NEK4: variants seen among roughly 807,000 people sequenced by gnomAD.
The protein encoded by NEK4 is NIMA related kinase 4, also known as serine/threonine-protein kinase Nek4.
Under a neutral mutation model 98.4 loss-of-function variants are expected in NEK4, and 86 were observed. The observed-to-expected ratio is 0.87, with a 90% CI of 0.73 to 1.05. NEK4 has a LOEUF of 1.05. NEK4 is among the 50% of genes least tolerant of loss of function. The probability of loss-of-function intolerance (pLI) is 0.00; values close to 1 mark genes in which losing one functional copy is unlikely to be tolerated. For missense variants in NEK4, 898 were observed against 950.3 expected (o/e 0.94, Z 0.72); for synonymous variants, 328 against 342.2 (o/e 0.96, Z 0.46).
intron 15 of NEK4, among the ~76,000 whole-genome samples, chr3:52,717,012 A>G (rs750690900): frequency 2.0e-4 from 31 of 152,144 alleles, no homozygotes; most frequent in African/African-American, 3.4e-4. Flanking sequence ...TGTTGAGGCT[A>G]TATTTCAGGA....
chr3:52,769,864 G>A (rs1406772494), intron 1 of NEK4, among the ~76,000 whole-genome samples: 1 of 152,208 alleles, frequency 6.6e-6, no homozygotes, highest in Non-Finnish European at 1.5e-5. Flanking sequence ...TTTAAACAGA[G>A]GAGTGACAAC....
intron 15 of NEK4, among the ~76,000 whole-genome samples, chr3:52,735,268 A>G (rs2097374354): frequency 6.6e-6 from 1 of 152,260 alleles, no homozygotes; most frequent in African/African-American, 2.4e-5. Flanking sequence ...AGAGATGTCT[A>G]AACTTTTAAA....
rs764856144 is a variant in NEK4, at chr3:52,761,272, T to C, written c.822-336A>G. On this transcript the variant is annotated intron_variant, in intron 5 of 15. Coordinates refer to ENST00000233027, the MANE Select transcript of NEK4 (RefSeq NM_003157.6). The stretch of plus-strand genomic sequence containing the variant: ...GTCTGGAATTTAGTCAATAGTAATA[T>C]TTTTCTTTCTTTTTTTAAAAAATTG... 3.3e-5 allele frequency among the ~76,000 whole-genome samples: 5 copies of C among 152,008 alleles called. No homozygotes were observed. In the East Asian group the frequency reaches 9.6e-4, roughly 29 times the overall value.
chr3:52,748,822 C>T (rs1428715583), intron 8 of NEK4, among the ~76,000 whole-genome samples: 1 of 152,170 alleles, frequency 6.6e-6, no homozygotes, highest in Non-Finnish European at 1.5e-5. Context: ...GTGGCTCACA[C>T]CCGTAATCAC....
chr3:52,746,265 T>TC (rs1223138493), intron 9 of NEK4, 55 bp from the exon 10 acceptor site: 23 of 1,518,592 alleles, frequency 1.5e-5, no homozygotes, highest in Non-Finnish European at 2.7e-6. Flanking sequence ...CTTCCAATGT[T>TC]CCCCTATCAG....
intron 12 of NEK4, among the ~76,000 whole-genome samples, chr3:52,742,715 G>A (rs927444429): frequency 1.3e-5 from 2 of 152,230 alleles, no homozygotes; most frequent in African/African-American, 4.8e-5. Flanking sequence ...AGATGGGTAT[G>A]TTGGTATCAC....
chr3:52,730,769 A>ACATG (rs2097368849), intron 15 of NEK4, among the ~76,000 whole-genome samples: 1 of 152,122 alleles, frequency 6.6e-6, no homozygotes. Context: ...CTGAGCATGG[A>ACATG]GCTTTCTTTG....
In NEK4 at chr3:52,711,918, T is replaced by C. The variant is rs564085920; in HGVS notation, c.2434-49A>G. The C allele has an allele frequency of 1.1e-5, 12 of 1,050,560 alleles. No individual in the cohort carries two copies. In the African/African-American group the frequency reaches 1.8e-4, roughly 15 times the overall value. The allele number at this position is 1,050,560 out of a possible 1,614,324, so 65.1% of individuals were successfully genotyped here. On this transcript the variant is annotated intron_variant, in intron 15 of 15. Transcript: ENST00000233027. The stretch of plus-strand genomic sequence containing the variant: ...TCAATCAGTATGTAGTAGGAAAAAA[T>C]ATTTCTGTAATCTTAGAGGAAGGGC...
chr3:52,743,234 A>C (rs2097389720), intron 12 of NEK4, 118 bp downstream of exon 12: 1 of 714,144 alleles, frequency 1.4e-6, no homozygotes, highest in Non-Finnish European at 2.4e-6. Context: ...AAGAGTGAAA[A>C]GATATAACAA....
At chr3:52,712,703 G>A (rs1179011912) in intron 15 of NEK4, among the ~76,000 whole-genome samples, 1 of 152,180 alleles carries the variant, frequency 6.6e-6, no homozygotes, top group South Asian at 2.1e-4. Context: ...GGTGGACCGG[G>A]TTCTCCCCCA....
chr3:52,731,982 C>A (rs566845751), intron 15 of NEK4, among the ~76,000 whole-genome samples: 25 of 152,340 alleles, frequency 1.6e-4, no homozygotes, highest in Admixed American at 7.2e-4. Context: ...CACTCTCTTG[C>A]CTGCTGCCAC....
intron 15 of NEK4, among the ~76,000 whole-genome samples, chr3:52,724,232 AAC>A (rs10528307): frequency 0.018 from 2,681 of 145,132 alleles, 82 homozygotes; most frequent in African/African-American, 0.064. Flanking sequence ...TTTGTCTTAA[AAC>A]ACACACACAC....
chr3:52,746,650 TGCCTTTTTG>T, intron 9 of NEK4, 75 bp downstream of exon 9: 1 of 1,219,406 alleles, frequency 8.2e-7, no homozygotes, highest in East Asian at 2.4e-5. Flanking sequence ...ATTTCTTACA[TGCCTTTTTG>T]GCAATTGTTA....
rs1328084351 is a variant in NEK4, at chr3:52,715,240, G to C, written c.2434-3371C>G. Among the ~76,000 whole-genome samples, 4 of 152,262 alleles carry C rather than the reference G, an allele frequency of 2.6e-5. No individual in the cohort carries two copies. The East Asian group carries it at 7.7e-4, about 29-fold the overall frequency. On this transcript the variant is annotated intron_variant, in intron 15 of 15. Transcript: ENST00000233027. ...CCCCTAAAAGCCCTGGGCTCAGCCAGAGCAGAACAGACAATGGGACGGCCA... is the reference window on the plus strand; with the variant it reads ...CCCCTAAAAGCCCTGGGCTCAGCCACAGCAGAACAGACAATGGGACGGCCA...
rs939345585 is a variant in NEK4 at position 52,752,349 on chromosome 3, A to T, written c.964-13T>A. ...ATTTGCCTTCACCCTGAATGAAAAG[A>T]TGTTTGGAAATTATTATAGCACTCC... On this transcript the variant is annotated splice_polypyrimidine_tract_variant and intron_variant, in intron 6 of 15. Coordinates refer to ENST00000233027, the MANE Select transcript of NEK4 (RefSeq NM_003157.6). 5 of 1,602,582 alleles carry T rather than the reference A, an allele frequency of 3.1e-6. No individual in the cohort carries two copies. The highest frequency in any genetic ancestry group is 1.1e-5 in the South Asian group (1 of 89,630).
At chr3:52,738,985 A>G (rs1461169479) in intron 14 of NEK4, among the ~76,000 whole-genome samples, 3 of 152,244 alleles carry the variant, frequency 2.0e-5, no homozygotes, top group Admixed American at 2.0e-4. Context: ...AAAACACAGG[A>G]TATACCTTTT....
chr3:52,734,874 G>C, intron 15 of NEK4: 1 of 269,718 alleles, frequency 3.7e-6, no homozygotes, highest in Admixed American at 4.7e-5. Context: ...CTAAAGGCTT[G>C]TGAACTGAAA....
chr3:52,742,008 G>A (rs906103146), intron 12 of NEK4, among the ~76,000 whole-genome samples: 1 of 152,108 alleles, frequency 6.6e-6, no homozygotes, highest in Admixed American at 6.6e-5. Context: ...TCCAACTCTT[G>A]ACCTCATGAT....
intron 15 of NEK4, among the ~76,000 whole-genome samples, chr3:52,719,486 G>A (rs1242742050): frequency 6.6e-6 from 1 of 151,864 alleles, no homozygotes; most frequent in Non-Finnish European, 1.5e-5. Context: ...GGAAGGCTGA[G>A]GCAGGAGAAT....
Sources: allele counts gnomAD v4.1 joint callset (sites outside exome capture counted in the v4.1 genomes callset), GRCh38; gene constraint gnomAD v4.1.1; transcripts MANE v1.5; gene names NCBI Gene and HGNC (gene_info 2026-07-23, HGNC 2026-07-21).